Variants in CTNND2 observed in about 807,000 individuals in gnomAD.
The protein encoded by CTNND2 is catenin delta 2.
CTNND2 carries 22 observed loss-of-function variants against 144.4 expected under a neutral mutation model. That is an observed-to-expected ratio of 0.15 (90% CI 0.11 to 0.22). The LOEUF (loss-of-function observed/expected upper bound fraction) is 0.22. CTNND2 is among the 10% of genes least tolerant of loss of function. The probability of loss-of-function intolerance (pLI) is 1.00; values close to 1 mark genes in which losing one functional copy is unlikely to be tolerated. For missense variants in CTNND2, 1,353 were observed against 1,618.8 expected (o/e 0.84, Z 2.82); for synonymous variants, 751 against 695.6 (o/e 1.08, Z -1.25).
At chr5:11,536,935 C>CATTTAATATGTTG (rs2150063650) in intron 3 of CTNND2, among the ~76,000 whole-genome samples, 1 of 152,024 alleles carries the variant, frequency 6.6e-6, no homozygotes, top group South Asian at 2.1e-4. Context: ...TATGTTAGAG[C>CATTTAATATGTTG]AGTCATTCTC....
intron 1 of CTNND2, among the ~76,000 whole-genome samples, chr5:11,794,464 G>C (rs1488218524): frequency 6.6e-6 from 1 of 152,200 alleles, no homozygotes; most frequent in African/African-American, 2.4e-5. Flanking sequence ...TTAGATCAAT[G>C]AGAGCGCACC....
rs1247869616 is a variant in CTNND2 at position 11,240,558 on chromosome 5, A to ACC, written c.1629-3736_1629-3735insGG. ...CCCAACACACACACCCAACACACAC[A>ACC]CTCAAAACACACACCCAACACACAC... On this transcript the variant is annotated intron_variant, in intron 9 of 21. Coordinates refer to ENST00000304623, the MANE Select transcript of CTNND2 (RefSeq NM_001332.4). 4.3e-5 allele frequency among the ~76,000 whole-genome samples: 5 copies of ACC among 115,358 alleles called. 1 individual carries two copies. Among genetic ancestry groups the ACC allele is most frequent in the African/African-American group, 1.1e-4 (3 of 28,552 alleles). The allele number at this position is 115,358 out of a possible 152,430, so 75.7% of individuals were successfully genotyped here.
At chr5:11,306,907 G>T (rs1158344915) in intron 9 of CTNND2, among the ~76,000 whole-genome samples, 7 of 152,148 alleles carry the variant, frequency 4.6e-5, no homozygotes, top group Non-Finnish European at 1.0e-4. Flanking sequence ...ACCTCTGCTC[G>T]CACTGTGCTT....
intron 10 of CTNND2, among the ~76,000 whole-genome samples, chr5:11,214,984 A>T (rs1739022583): frequency 6.6e-6 from 1 of 152,114 alleles, no homozygotes. Context: ...CCTCACCCAG[A>T]GAGATGTCAG....
chr5:11,449,128 A>G (rs1765090569), intron 3 of CTNND2, among the ~76,000 whole-genome samples: 1 of 152,302 alleles, frequency 6.6e-6, no homozygotes, highest in South Asian at 2.1e-4. Flanking sequence ...GTGAATTTCA[A>G]TCAAAACACA....
At chr5:11,322,527 A>C (rs542254963) in intron 9 of CTNND2, among the ~76,000 whole-genome samples, 1 of 152,324 alleles carries the variant, frequency 6.6e-6, no homozygotes, top group East Asian at 1.9e-4. Flanking sequence ...TTCACTCTAT[A>C]TATAAAAGCA....
intron 1 of CTNND2, among the ~76,000 whole-genome samples, chr5:11,774,933 A>G (rs552954112): frequency 2.0e-5 from 3 of 152,302 alleles, no homozygotes; most frequent in Admixed American, 6.5e-5. Context: ...CTGGAAGTGC[A>G]GTCACCAGCT....
intron 9 of CTNND2, among the ~76,000 whole-genome samples, chr5:11,293,621 A>T (rs567407210): frequency 6.6e-6 from 1 of 151,962 alleles, no homozygotes; most frequent in East Asian, 1.9e-4. Flanking sequence ...TTTCGTTCAC[A>T]GTTTATATTT....
intron 2 of CTNND2, among the ~76,000 whole-genome samples, chr5:11,634,584 A>C (rs1331850362): frequency 6.6e-6 from 1 of 152,166 alleles, no homozygotes; most frequent in Non-Finnish European, 1.5e-5. Flanking sequence ...GCAATCCCAC[A>C]CTGAGTTTTG....
intron 3 of CTNND2, among the ~76,000 whole-genome samples, chr5:11,548,876 T>C (rs1205793315): frequency 2.0e-5 from 3 of 152,246 alleles, no homozygotes; most frequent in Non-Finnish European, 2.9e-5. Flanking sequence ...CTCCAAGATC[T>C]GCACATAAAA....
At chr5:11,560,054 C>T (rs1181672940) in intron 3 of CTNND2, among the ~76,000 whole-genome samples, 1 of 152,194 alleles carries the variant, frequency 6.6e-6, no homozygotes, top group East Asian at 1.9e-4. Flanking sequence ...CTGCCTTGCT[C>T]TGCTGTGGCT....
intron 3 of CTNND2, among the ~76,000 whole-genome samples, chr5:11,512,339 C>T (rs941637360): frequency 8.5e-5 from 13 of 152,332 alleles, no homozygotes; most frequent in African/African-American, 3.1e-4. Context: ...CTACACATTG[C>T]TGCTGGAATT....
At chr5:11,698,926 A>G (rs1205298418) in intron 2 of CTNND2, among the ~76,000 whole-genome samples, 2 of 150,866 alleles carry the variant, frequency 1.3e-5, no homozygotes, top group African/African-American at 2.4e-5. Context: ...GATAATTAAT[A>G]TCAATAAGCA....
intron 18 of CTNND2, among the ~76,000 whole-genome samples, chr5:11,010,778 C>T (rs368836597): frequency 1.4e-4 from 21 of 152,220 alleles, no homozygotes; most frequent in African/African-American, 5.1e-4. Flanking sequence ...GGAAAGAGAG[C>T]CTGGTGTGAG....
intron 2 of CTNND2, among the ~76,000 whole-genome samples, chr5:11,581,996 C>T (rs3899402): frequency 1.3e-5 from 2 of 151,948 alleles, no homozygotes; most frequent in African/African-American, 4.8e-5. Context: ...AATGGATGTT[C>T]TTACTCAGAA....
intron 1 of CTNND2, among the ~76,000 whole-genome samples, chr5:11,777,241 C>T (rs921880194): frequency 2.0e-5 from 3 of 152,180 alleles, no homozygotes; most frequent in African/African-American, 7.2e-5. Context: ...AAATGAATCA[C>T]TTACTCCTCA....
rs145461781 is a variant in CTNND2 at position 11,041,145 on chromosome 5, C to T, written c.2789-18166G>A. On this transcript the variant is annotated intron_variant, in intron 16 of 21. Coordinates refer to ENST00000304623, the MANE Select transcript of CTNND2 (RefSeq NM_001332.4). ...ATGATTAATTATATAATCACATTCC[C>T]TCATTCTTGCTTTTCCAAATTGATT... 4.7e-3 allele frequency among the ~76,000 whole-genome samples: 711 copies of T among 152,292 alleles called. 6 individuals are homozygous for T. The highest frequency in any genetic ancestry group is 0.016 in the African/African-American group (661 of 41,562).
chr5:11,250,333 T>C (rs1743425841), intron 9 of CTNND2, among the ~76,000 whole-genome samples: 1 of 151,940 alleles, frequency 6.6e-6, no homozygotes, highest in Admixed American at 6.6e-5. Flanking sequence ...TTACCTTTCA[T>C]TTCTACCCAT....
At chr5:11,710,068 G>A (rs2126690065) in intron 2 of CTNND2, among the ~76,000 whole-genome samples, 1 of 152,170 alleles carries the variant, frequency 6.6e-6, no homozygotes. Context: ...AATGTAGTGA[G>A]GGAGAGGTGA....
Sources: allele counts gnomAD v4.1 joint callset (sites outside exome capture counted in the v4.1 genomes callset), GRCh38; gene constraint gnomAD v4.1.1; transcripts MANE v1.5; gene names NCBI Gene and HGNC (gene_info 2026-07-23, HGNC 2026-07-21).